Variants in PMEPA1 observed in about 807,000 individuals in gnomAD.
The protein encoded by PMEPA1 is prostate transmembrane protein, androgen induced 1.
In PMEPA1, 11 loss-of-function variants were observed where a neutral mutation model predicts 23.0. That is an observed-to-expected ratio of 0.48 (90% confidence interval 0.30 to 0.79). The LOEUF (loss-of-function observed/expected upper bound fraction) is 0.79, where lower values mean the gene tolerates loss of function less well. PMEPA1 is among the 30% of genes least tolerant of loss of function. The pLI is 0.06. For synonymous variants in PMEPA1, 204 were observed against 166.4 expected, an observed-to-expected ratio of 1.23 and a Z score of -1.74; for missense variants, 377 against 390.9, an observed-to-expected ratio of 0.96 and a Z score of 0.30.
In PMEPA1 at chr20:57,709,872, G is replaced by T; in HGVS notation, c.-290C>A. The stretch of plus-strand genomic sequence containing the variant: ...GGCTGGCAGCGGGGCGCGCGCTGCC[G>T]CCGGGGCTGAGCCTCTGCCGCTAGC... On this transcript the variant is annotated 5_prime_UTR_variant, in exon 1 of 4. Transcript: ENST00000341744. 5 of 994,090 alleles carry T rather than the reference G, an allele frequency of 5.0e-6. No homozygotes were observed. Among genetic ancestry groups the T allele is most frequent in the Admixed American group, 6.1e-5 (1 of 16,264 alleles). The allele number at this position is 994,090 out of a possible 1,614,324, so 61.6% of individuals were successfully genotyped here. A position where few individuals can be genotyped will look rare whatever the true frequency, so the allele number is the denominator to read the frequency against.
intron 1 of PMEPA1, among the ~76,000 whole-genome samples, chr20:57,661,293 G>A (rs909382856): frequency 6.6e-6 from 1 of 152,196 alleles, no homozygotes; most frequent in Admixed American, 6.5e-5. Flanking sequence ...GCAGCTGGCC[G>A]AGCACGGTGC....
At chr20:57,653,830 C>G (rs2071288796) in intron 2 of PMEPA1, among the ~76,000 whole-genome samples, 1 of 152,226 alleles carries the variant, frequency 6.6e-6, no homozygotes, top group Non-Finnish European at 1.5e-5. Context: ...TCCCGTGAAC[C>G]TTGTCATCTG....
At position 57,655,823 on chromosome 20, in the gene PMEPA1, A is replaced by T. The variant is rs2071319017; in HGVS notation, c.265-2737T>A. On this transcript the variant is annotated intron_variant, in intron 2 of 3. Transcript: ENST00000341744. The surrounding 1 kb of genome is among the most constrained non-coding windows in gnomAD (Gnocchi z 4.2). The stretch of plus-strand genomic sequence containing the variant: ...AAGGGTCTGAAAACTGTTTCCATAA[A>T]GAGCCAGAGAGTAAAATATTTTCTG... 6.6e-6 allele frequency among the ~76,000 whole-genome samples: 1 copy of T among 152,216 alleles called. No individual in the cohort carries two copies. Among genetic ancestry groups the T allele is most frequent in the South Asian group, 2.1e-4 (1 of 4,828 alleles).
At chr20:57,707,939 G>A (rs1485640339) in intron 1 of PMEPA1, among the ~76,000 whole-genome samples, 2 of 152,204 alleles carry the variant, frequency 1.3e-5, no homozygotes, top group African/African-American at 2.4e-5. Flanking sequence ...AGTCGGTTCC[G>A]CAAACGCTGG....
At position 57,650,197 on chromosome 20, in the gene PMEPA1, T is replaced by C. The variant is rs1048164850; in HGVS notation, c.*1856A>G. 6.6e-6 allele frequency: 1 copy of C among 152,194 alleles called. No homozygotes were observed. The allele number at this position is 152,194 out of a possible 1,614,324, so 9.4% of individuals were successfully genotyped here. A position where few individuals can be genotyped will look rare whatever the true frequency, so the allele number is the denominator to read the frequency against. On this transcript the variant is annotated 3_prime_UTR_variant, in exon 4 of 4. Coordinates refer to ENST00000341744, the MANE Select transcript of PMEPA1 (RefSeq NM_020182.5). ...CTAGAACTTCAAAACTGTGCTCAGG[T>C]TTTTGTTTTGGAAGTTATAAAAAAG...
At chr20:57,665,413 T>C (rs1432053826) in intron 1 of PMEPA1, among the ~76,000 whole-genome samples, 1 of 151,592 alleles carries the variant, frequency 6.6e-6, no homozygotes, top group Non-Finnish European at 1.5e-5. Flanking sequence ...AATCTGAGGA[T>C]GTGGTTCTGA....
At chr20:57,706,628 A>C (rs1316886956) in intron 1 of PMEPA1, among the ~76,000 whole-genome samples, 1 of 152,142 alleles carries the variant, frequency 6.6e-6, no homozygotes, top group Middle Eastern at 3.2e-3. Flanking sequence ...CCCGGCGTAC[A>C]AAGGGGCTCT....
intron 1 of PMEPA1, among the ~76,000 whole-genome samples, chr20:57,695,709 C>T (rs2071935228): frequency 6.6e-6 from 1 of 152,212 alleles, no homozygotes; most frequent in South Asian, 2.1e-4. Context: ...GATTTTGTGG[C>T]TGAAAAGTGG....
chr20:57,711,386 G>T (rs1359537610), upstream of PMEPA1: 1 of 152,126 alleles, frequency 6.6e-6, no homozygotes, highest in Non-Finnish European at 1.5e-5. Flanking sequence ...GTGGGTTCCC[G>T]CTCTCCCTGC....
chr20:57,693,073 T>C (rs1279038761), intron 1 of PMEPA1, among the ~76,000 whole-genome samples: 1 of 152,224 alleles, frequency 6.6e-6, no homozygotes, highest in Non-Finnish European at 1.5e-5. Flanking sequence ...GCTTATGTTG[T>C]GAGCAGGCCG....
rs566576860 is a variant in PMEPA1, at chr20:57,695,268, C to T, written c.109+14206G>A. On this transcript the variant is annotated intron_variant, in intron 1 of 3. Coordinates refer to ENST00000341744, the MANE Select transcript of PMEPA1 (RefSeq NM_020182.5). ...TGGAGCCCAGCGGGGCTGGCAACAG[C>T]GGCTGATGGGCCAACCCAGCCCCAG... Among the ~76,000 whole-genome samples the T allele has an allele frequency of 2.5e-3, 374 of 152,388 alleles. 2 individuals are homozygous for T. Among genetic ancestry groups the T allele is most frequent in the African/African-American group, 8.2e-3 (342 of 41,594 alleles).
intron 2 of PMEPA1, among the ~76,000 whole-genome samples, chr20:57,658,075 G>A (rs1408222555): frequency 3.9e-5 from 6 of 152,236 alleles, no homozygotes; most frequent in African/African-American, 7.2e-5. Context: ...GAAGGATACC[G>A]AACAGCCGGG....
At chr20:57,690,234 C>A (rs1225878834) in intron 1 of PMEPA1, among the ~76,000 whole-genome samples, 1 of 152,250 alleles carries the variant, frequency 6.6e-6, no homozygotes, top group African/African-American at 2.4e-5. Context: ...AGCCTCTGAC[C>A]TCACCTCTTA....
At chr20:57,665,257 T>C (rs970387651) in intron 1 of PMEPA1, among the ~76,000 whole-genome samples, 3 of 152,122 alleles carry the variant, frequency 2.0e-5, no homozygotes, top group Non-Finnish European at 2.9e-5. Context: ...TAGGGAGAAG[T>C]AGCCCTAGAA....
rs981241879 is a variant in PMEPA1, at chr20:57,651,482, G to C, written c.*571C>G. On this transcript the variant is annotated 3_prime_UTR_variant, in exon 4 of 4. Transcript: ENST00000341744. ...ATAAATAACTCTAAACCCCTGCTTT[G>C]TAATTTTTTTCTTTACAAGGTAATA... The C allele has an allele frequency of 6.6e-6, 1 of 152,518 alleles. No individual in the cohort carries two copies. The highest frequency in any genetic ancestry group is 2.4e-5 in the African/African-American group (1 of 41,394). The allele number at this position is 152,518 out of a possible 1,614,324, so 9.4% of individuals were successfully genotyped here. A position where few individuals can be genotyped will look rare whatever the true frequency, so the allele number is the denominator to read the frequency against.
chr20:57,699,331 T>C (rs1206545883), intron 1 of PMEPA1, among the ~76,000 whole-genome samples: 1 of 152,270 alleles, frequency 6.6e-6, no homozygotes, highest in Non-Finnish European at 1.5e-5. Context: ...TGGCCATTTA[T>C]TGAGCATCTA....
intron 1 of PMEPA1, among the ~76,000 whole-genome samples, chr20:57,669,990 G>T (rs2071545684): frequency 6.6e-6 from 1 of 152,186 alleles, no homozygotes. Flanking sequence ...GCTGACAAGG[G>T]CTGCTGCGGG....
Position 57,709,613 on chromosome 20 carries a change from G to T in PMEPA1, c.-31C>A. On this transcript the variant is annotated 5_prime_UTR_variant, in exon 1 of 4. Transcript: ENST00000341744. ...GCGCGGCGGCGCGGCGCGGGGCGCG[G>T]GGGGCTCGGGGGCGGCCGGGGGGGG... 1 of 985,958 alleles carries T rather than the reference G, an allele frequency of 1.0e-6. No individual in the cohort carries two copies. 61.1% of individuals were successfully genotyped at this position (985,958 alleles called of 1,614,324 possible).
intron 2 of PMEPA1, among the ~76,000 whole-genome samples, chr20:57,659,308 T>C (rs2071373894): frequency 6.6e-6 from 1 of 152,198 alleles, no homozygotes; most frequent in African/African-American, 2.4e-5. Context: ...ACGAAGCCTC[T>C]TCCCAGCCCA....
Sources: allele counts gnomAD v4.1 joint callset (sites outside exome capture counted in the v4.1 genomes callset), GRCh38; gene constraint gnomAD v4.1.1; non-coding constraint Gnocchi (gnomAD v3.1); transcripts MANE v1.5; gene names NCBI Gene and HGNC (gene_info 2026-07-23, HGNC 2026-07-21).